DDTL: variants seen among roughly 807,000 people sequenced by gnomAD.
DDTL encodes D-dopachrome tautomerase like, also known as putative D-dopachrome decarboxylase-like protein.
In DDTL, 1 loss-of-function variant was observed where a neutral mutation model predicts 1.1. The ratio of observed to expected loss-of-function variants is 0.91; its 90% confidence interval spans 0.32 to 4.31. The LOEUF is 4.31. Ranked by LOEUF, DDTL falls within the 30% of genes most tolerant of loss-of-function variation. The pLI is 0.17. For synonymous variants in DDTL, 21 were observed against 16.6 expected, an observed-to-expected ratio of 1.26 and a Z score of -0.64; for missense variants, 54 against 48.9, an observed-to-expected ratio of 1.10 and a Z score of -0.31.
chr22:23,969,174 T>C (rs1211131387), intron 2 of DDTL: 2 of 985,066 alleles, frequency 2.0e-6, no homozygotes, highest in Non-Finnish European at 2.4e-6. Context: ...TTATGCCAAT[T>C]TTATGATGAG....
At position 23,970,055 on chromosome 22, in the gene DDTL, C is replaced by G. The variant is rs997163727; in HGVS notation, c.285-1231C>G. 3.4e-4 allele frequency among the ~76,000 whole-genome samples: 52 copies of G among 152,054 alleles called. 1 individual carries two copies. Among genetic ancestry groups the G allele is most frequent in the African/African-American group, 1.2e-3 (50 of 41,398 alleles). Reference sequence around the variant, plus strand: ...GTGACCTTGAGTTGCACTTAGTGCTCTTGGCAGAGGGAAGGGCTTGGGCTA... The same window carrying G: ...GTGACCTTGAGTTGCACTTAGTGCTGTTGGCAGAGGGAAGGGCTTGGGCTA... On this transcript the variant is annotated intron_variant, in intron 2 of 2. Transcript: ENST00000215770.
Position 23,969,339 on chromosome 22 carries a change from A to G in DDTL, c.284+1778A>G, listed in dbSNP as rs147832247. The G allele has an allele frequency of 2.5e-4, 249 of 985,478 alleles. 1 individual carries two copies. The African/African-American group carries it at 3.3e-3, about 13-fold the overall frequency. The allele number at this position is 985,478 out of a possible 1,614,324, so 61.0% of individuals were successfully genotyped here. On this transcript the variant is annotated intron_variant, in intron 2 of 2. Coordinates refer to ENST00000215770, the MANE Select transcript of DDTL (RefSeq NM_001084393.2). ...GGCCACCCTGTGCCCAACCTTTGAG[A>G]AAACAGGTGTCTGAGGTACTGTGTC...
intron 2 of DDTL, among the ~76,000 whole-genome samples, chr22:23,970,365 G>T (rs554175124): frequency 6.6e-6 from 1 of 152,266 alleles, no homozygotes; most frequent in African/African-American, 2.4e-5. Context: ...TGAATTGTGT[G>T]TAAATGTGAG....
Position 23,971,848 on chromosome 22 carries a change from G to A in DDTL, c.*442G>A, listed in dbSNP as rs1476510000. 3.5e-6 allele frequency: 2 copies of A among 567,742 alleles called. No homozygotes were observed. Among genetic ancestry groups the A allele is most frequent in the East Asian group, 6.1e-5 (2 of 32,650 alleles). 35.2% of individuals were successfully genotyped at this position (567,742 alleles called of 1,614,324 possible). A position where few individuals can be genotyped will look rare whatever the true frequency, so the allele number is the denominator to read the frequency against. On this transcript the variant is annotated 3_prime_UTR_variant, in exon 3 of 3. Transcript: ENST00000215770. ...CGCACATCATGACCCAGCTAGGACA[G>A]ACACACAATACAGTAGCCTCGGTGT...
intron 2 of DDTL, chr22:23,969,227 T>C: frequency 4.1e-6 from 4 of 985,494 alleles, no homozygotes; most frequent in Non-Finnish European, 4.8e-6. Context: ...AGCCAGGCTG[T>C]CCCAAGCTGT....
At position 23,971,657 on chromosome 22, in the gene DDTL, C is replaced by A; in HGVS notation, c.*251C>A. 1.9e-6 allele frequency: 3 copies of A among 1,593,082 alleles called. No individual in the cohort carries two copies. In the African/African-American group the frequency reaches 4.0e-5, roughly 21 times the overall value. ...GACAGAGAAAAAGATATCATCAGCT[C>A]CTTGGCTAATACCACATCTTGCAAG... On this transcript the variant is annotated 3_prime_UTR_variant, in exon 3 of 3. Transcript: ENST00000215770.
chr22:23,970,818 C>T lies in DDTL; in HGVS notation c.285-468C>T, dbSNP rs192454984. ...TCATCCCCCCAGCTGTCCTCCCAGCCTGGGGACCCCTGGGCTGGAAAGGTT... is the reference window on the plus strand; with the variant it reads ...TCATCCCCCCAGCTGTCCTCCCAGCTTGGGGACCCCTGGGCTGGAAAGGTT... On this transcript the variant is annotated intron_variant, in intron 2 of 2. Coordinates refer to ENST00000215770, the MANE Select transcript of DDTL (RefSeq NM_001084393.2). 2.1e-3 allele frequency among the ~76,000 whole-genome samples: 320 copies of T among 152,266 alleles called. 1 individual carries two copies. Among genetic ancestry groups the T allele is most frequent in the African/African-American group, 7.1e-3 (297 of 41,550 alleles).
At chr22:23,970,676 G>A (rs1001776114) in intron 2 of DDTL, among the ~76,000 whole-genome samples, 1 of 152,110 alleles carries the variant, frequency 6.6e-6, no homozygotes. Context: ...TGAATGTGAT[G>A]AATCGTGACT....
In DDTL at chr22:23,969,673, G is replaced by A. The variant is rs569282310; in HGVS notation, c.285-1613G>A. 2.4e-4 allele frequency: 236 copies of A among 980,528 alleles called. No homozygotes were observed. The Middle Eastern group carries it at 5.8e-3, about 24-fold the overall frequency. The allele number at this position is 980,528 out of a possible 1,614,324, so 60.7% of individuals were successfully genotyped here. On this transcript the variant is annotated intron_variant, in intron 2 of 2. Coordinates refer to ENST00000215770, the MANE Select transcript of DDTL (RefSeq NM_001084393.2). Reference sequence around the variant, plus strand: ...CCATCTCTACAAAGTCATACAATTAGCCCAGCATGGTGGCATGAGCCTGTG... The same window carrying A: ...CCATCTCTACAAAGTCATACAATTAACCCAGCATGGTGGCATGAGCCTGTG...
intron 2 of DDTL, among the ~76,000 whole-genome samples, chr22:23,970,440 C>CTGTGTGTGACGGGGAGTA (rs1189601078): frequency 6.6e-6 from 1 of 151,556 alleles, no homozygotes; most frequent in African/African-American, 2.4e-5. Context: ...AATTGTGTGC[C>CTGTGTGTGACGGGGAGTA]TGTGTGTGAC....
rs370553585 is a variant in DDTL, at chr22:23,971,548, C to T, written c.*142C>T. On this transcript the variant is annotated 3_prime_UTR_variant, in exon 3 of 3. Coordinates refer to ENST00000215770, the MANE Select transcript of DDTL (RefSeq NM_001084393.2). ...CAGATGCCCTGGATCCCTCCGTGCC[C>T]AATCATAAAAAAGTCATGACCGTCC... 1.2e-6 allele frequency: 2 copies of T among 1,613,974 alleles called. No homozygotes were observed. The highest frequency in any genetic ancestry group is 1.7e-6 in the Non-Finnish European group (2 of 1,179,924).
rs749638982 is a variant in DDTL, at chr22:23,971,384, C to T, written c.383C>T (p.Ala128Val). ...AAGAAGTCATGTTTGAATGAGGAAGCTCTCTTCATTTATTTCATATGAGGA... is the reference window on the plus strand; with the variant it reads ...AAGAAGTCATGTTTGAATGAGGAAGTTCTCTTCATTTATTTCATATGAGGA... ...EGKKSCLNEE[A>V]LFIYFI is the part of the protein sequence containing the mutation. The change falls in exon 3 of 3, where the codon GCT (alanine) becomes GTT (valine). Residue 128 changes from alanine to valine, a missense_variant. Ala to Val is a moderately conservative substitution (Grantham distance 64, BLOSUM62 0). Transcript: ENST00000215770. The T allele has an allele frequency of 2.5e-6, 4 of 1,613,868 alleles. No individual in the cohort carries two copies. Among genetic ancestry groups the T allele is most frequent in the Non-Finnish European group, 2.5e-6 (3 of 1,179,874 alleles).
rs112390687 is a variant in DDTL at position 23,971,392 on chromosome 22, A to G, written c.391A>G (p.Ile131Val). 2.5e-6 allele frequency: 4 copies of G among 1,613,750 alleles called. No individual in the cohort carries two copies. Among genetic ancestry groups the G allele is most frequent in the Middle Eastern group, 3.3e-4 (2 of 6,058 alleles). Residue 131 changes from isoleucine to valine, a missense_variant, in exon 3 of 3, where the codon ATT (isoleucine) becomes GTT (valine). Ile to Val is a conservative substitution (Grantham distance 29). Coordinates refer to ENST00000215770, the MANE Select transcript of DDTL (RefSeq NM_001084393.2). ...KSCLNEEALF[I>V]YFI ...ATGTTTGAATGAGGAAGCTCTCTTC[A>G]TTTATTTCATATGAGGATGAAGAAG...
Position 23,971,666 on chromosome 22 carries a change from A to G in DDTL, c.*260A>G. The G allele has an allele frequency of 6.3e-7, 1 of 1,581,798 alleles. No homozygotes were observed. The highest frequency in any genetic ancestry group is 8.7e-7 in the Non-Finnish European group (1 of 1,154,590). ...AAAGATATCATCAGCTCCTTGGCTA[A>G]TACCACATCTTGCAAGACCCCTGCC... On this transcript the variant is annotated 3_prime_UTR_variant, in exon 3 of 3. Coordinates refer to ENST00000215770, the MANE Select transcript of DDTL (RefSeq NM_001084393.2).
chr22:23,969,623 C>G (rs925361948), intron 2 of DDTL: 1 of 985,064 alleles, frequency 1.0e-6, no homozygotes, highest in African/African-American at 1.7e-5. Flanking sequence ...GAATTCAAGA[C>G]CACCCTGGGA....
Position 23,971,679 on chromosome 22 carries a change from C to T in DDTL, c.*273C>T, listed in dbSNP as rs79966373. ...GCTCCTTGGCTAATACCACATCTTG[C>T]AAGACCCCTGCCAGGTACTCCCACT... On this transcript the variant is annotated 3_prime_UTR_variant, in exon 3 of 3. Coordinates refer to ENST00000215770, the MANE Select transcript of DDTL (RefSeq NM_001084393.2). The T allele has an allele frequency of 2.0e-6, 3 of 1,526,832 alleles. No homozygotes were observed. The highest frequency in any genetic ancestry group is 2.7e-5 in the African/African-American group (2 of 72,890). The allele number at this position is 1,526,832 out of a possible 1,614,324, so 94.6% of individuals were successfully genotyped here.
chr22:23,970,432 T>C (rs932913209), intron 2 of DDTL, among the ~76,000 whole-genome samples: 1 of 151,934 alleles, frequency 6.6e-6, no homozygotes, highest in South Asian at 2.1e-4. Context: ...TTGGTGTGAA[T>C]TGTGTGCCTG....
In DDTL at chr22:23,969,443, A is replaced by G. The variant is rs182954571; in HGVS notation, c.285-1843A>G. The G allele has an allele frequency of 4.8e-5, 47 of 986,522 alleles. No homozygotes were observed. The African/African-American group carries it at 7.1e-4, about 15-fold the overall frequency. 61.1% of individuals were successfully genotyped at this position (986,522 alleles called of 1,614,324 possible). A position where few individuals can be genotyped will look rare whatever the true frequency, so the allele number is the denominator to read the frequency against. On this transcript the variant is annotated intron_variant, in intron 2 of 2. Transcript: ENST00000215770. ...ACAGAGATGATGGAGTGTGCAGCAC[A>G]CACGATGAGGCTACTGTGTTGAGTG...
rs890503631 is a variant in DDTL at position 23,972,099 on chromosome 22, G to A, written c.*693G>A. On this transcript the variant is annotated 3_prime_UTR_variant, in exon 3 of 3. Transcript: ENST00000215770. ...TTTCCAGTGAGGAAAACCAGAACTT[G>A]GGACAGCCTGGTTGGGGCGGGCGGG... is the stretch of plus-strand genomic sequence containing the variant. 1.1e-5 allele frequency: 10 copies of A among 898,496 alleles called. No homozygotes were observed. The highest frequency in any genetic ancestry group is 1.3e-5 in the Non-Finnish European group (10 of 750,836). 55.7% of individuals were successfully genotyped at this position (898,496 alleles called of 1,614,324 possible). A position where few individuals can be genotyped will look rare whatever the true frequency, so the allele number is the denominator to read the frequency against.
Sources: allele counts gnomAD v4.1 joint callset (sites outside exome capture counted in the v4.1 genomes callset), GRCh38; gene constraint gnomAD v4.1.1; transcripts MANE v1.5; gene names NCBI Gene and HGNC (gene_info 2026-07-23, HGNC 2026-07-21).